Variants in LTF observed in about 807,000 individuals in gnomAD.
LTF encodes epididymis luminal protein 110.
A neutral mutation model predicts 87.2 loss-of-function variants in LTF; 91 were observed. The observed-to-expected ratio is 1.04, with a 90% CI of 0.88 to 1.24. LTF has a LOEUF of 1.24. Ranked by LOEUF, LTF falls within the 50% of genes most tolerant of loss-of-function variation. The pLI, the probability that LTF is intolerant of heterozygous loss-of-function variation, is 0.00. For synonymous variants in LTF, 378 were observed against 356.1 expected, an observed-to-expected ratio of 1.06 and a Z score of -0.69; for missense variants, 901 against 904.3, an observed-to-expected ratio of 1.00 and a Z score of 0.05.
Position 46,448,763 on chromosome 3 carries a change from C to A in LTF, c.1212+100G>T, listed in dbSNP as rs887686248. The A allele has an allele frequency of 2.8e-5, 40 of 1,418,212 alleles. No individual in the cohort carries two copies. In the African/African-American group the frequency reaches 5.4e-4, roughly 19 times the overall value. The allele number at this position is 1,418,212 out of a possible 1,614,324, so 87.9% of individuals were successfully genotyped here. Reference sequence around the variant, plus strand: ...CCAGGCATCCCTGCCTCACCCAGGCCCCCGTGGCCTCTTTGACTGTTGACT... The same window carrying A: ...CCAGGCATCCCTGCCTCACCCAGGCACCCGTGGCCTCTTTGACTGTTGACT... On this transcript the variant is annotated intron_variant, in intron 9 of 16. Coordinates refer to ENST00000231751, the MANE Select transcript of LTF (RefSeq NM_002343.6).
At chr3:46,438,388 T>C (rs1702438546) in intron 15 of LTF, among the ~76,000 whole-genome samples, 1 of 152,238 alleles carries the variant, frequency 6.6e-6, no homozygotes, top group Non-Finnish European at 1.5e-5. Context: ...TCCTTCCTTC[T>C]TAACCTGTGA....
At chr3:46,437,676 TA>T (rs983267973) in intron 16 of LTF, among the ~76,000 whole-genome samples, 4 of 152,170 alleles carry the variant, frequency 2.6e-5, no homozygotes, top group Admixed American at 6.5e-5. Context: ...TTTTACTGAA[TA>T]AAATGGATTA....
chr3:46,450,613 C>T lies in LTF; in HGVS notation c.764G>A (p.Arg255Gln), dbSNP rs144240700. ...GTCTTTGAACTTGTCCACTGGCTTC[C>T]GAGTGTTGTCTGGGCAGAGTAACTC... is the stretch of plus-strand genomic sequence containing the variant. ...EYELLCPDNT[R>Q]KPVDKFKDCH... The change falls in exon 7 of 17, where the codon CGG (arginine) becomes CAG (glutamine). Residue 255 changes from arginine to glutamine, a missense_variant. Physicochemically the swap from Arg to Gln is conservative, Grantham distance 43. Coordinates refer to ENST00000231751, the MANE Select transcript of LTF (RefSeq NM_002343.6). 8.3e-5 allele frequency: 134 copies of T among 1,614,026 alleles called. No individual in the cohort carries two copies. The African/African-American group carries it at 8.9e-4, about 11-fold the overall frequency.
At chr3:46,455,721 A>T (rs897588153) in intron 4 of LTF, 75 bp downstream of exon 4, 3 of 1,452,350 alleles carry the variant, frequency 2.1e-6, no homozygotes, top group Non-Finnish European at 2.8e-6. Context: ...CACCTGCATG[A>T]TCTGTGTGGC....
intron 1 of LTF, among the ~76,000 whole-genome samples, chr3:46,462,749 G>A (rs1163619640): frequency 6.6e-6 from 1 of 152,138 alleles, no homozygotes; most frequent in African/African-American, 2.4e-5. Flanking sequence ...GAAGGCACCA[G>A]GGAAGGGCTA....
At chr3:46,442,729 T>G (rs1472958716) in intron 13 of LTF, among the ~76,000 whole-genome samples, 3 of 152,212 alleles carry the variant, frequency 2.0e-5, no homozygotes, top group Non-Finnish European at 2.9e-5. Flanking sequence ...GAATTTATAT[T>G]AAAAAGTTCA....
intron 6 of LTF, chr3:46,454,017 A>C: frequency 2.5e-6 from 1 of 407,702 alleles, no homozygotes; most frequent in South Asian, 3.9e-5. Context: ...AACACAAACC[A>C]GCACAATCTG....
At chr3:46,446,524 T>C in intron 10 of LTF, 31 bp from the exon 11 acceptor site, 1 of 1,598,894 alleles carries the variant, frequency 6.3e-7, no homozygotes, top group Non-Finnish European at 8.6e-7. Context: ...CAGACATCAT[T>C]ATCCATTCAG....
At chr3:46,484,044 G>A (rs1575331566) in intron 1 of LTF, among the ~76,000 whole-genome samples, 1 of 152,172 alleles carries the variant, frequency 6.6e-6, no homozygotes, top group African/African-American at 2.4e-5. Context: ...TGTTTGGGAT[G>A]TACCAGAGAT....
At chr3:46,448,839 C>G (rs375244234) in intron 9 of LTF, 24 bp downstream of exon 9, 4 of 1,609,268 alleles carry the variant, frequency 2.5e-6, no homozygotes, top group East Asian at 2.2e-5. Context: ...GCCCACCGCC[C>G]GCCCCTGTGA....
At position 46,448,965 on chromosome 3, in the gene LTF, G is replaced by C; in HGVS notation, c.1110C>G (p.Gly370=). 1 of 1,613,188 alleles carries C rather than the reference G, an allele frequency of 6.2e-7. No homozygotes were observed. The highest frequency in any genetic ancestry group is 2.2e-5 in the East Asian group (1 of 44,792). Residue 370 remains glycine (G), a synonymous_variant, in exon 9 of 17, where the codon GGC becomes GGG. Coordinates refer to ENST00000231751, the MANE Select transcript of LTF (RefSeq NM_002343.6). The part of the protein sequence containing the change: ...RRARVVWCAV[G]EQELRKCNQW... The stretch of plus-strand genomic sequence containing the variant: ...GGTTACACTTGCGCAGCTCCTGCTC[G>C]CCCACCGCACACCACACGACCCGCG...
rs777999333 is a variant in LTF, at chr3:46,447,339, A to G, written c.1272T>C (p.Cys424=). 9.3e-6 allele frequency: 15 copies of G among 1,614,192 alleles called. No homozygotes were observed. The Admixed American group carries it at 2.2e-4, about 23-fold the overall frequency. ...TCTCTGCCAGGACAGGCACCAAACC[A>G]CATTTGCCTGCAGTGTACACATATC... is the stretch of plus-strand genomic sequence containing the variant. The part of the protein sequence containing the change: ...DGGYVYTAGK[C]GLVPVLAENY... Residue 424 remains cysteine, a synonymous_variant, in exon 10 of 17, where the codon TGT becomes TGC. Transcript: ENST00000231751.
chr3:46,455,152 C>G (rs6776621), intron 5 of LTF, 143 bp downstream of exon 5: 97,121 of 1,008,722 alleles, frequency 0.096, 5,687 homozygotes, highest in Admixed American at 0.21. Context: ...CCTGCACTCT[C>G]TTTGGACACA....
intron 6 of LTF, 57 bp from the exon 7 acceptor site, chr3:46,450,730 C>G: frequency 5.6e-6 from 8 of 1,441,054 alleles, no homozygotes; most frequent in South Asian, 1.2e-5. Flanking sequence ...GCAGTAACCT[C>G]GAGCTATAGT....
chr3:46,448,607 A>G (rs1702715386), intron 9 of LTF, among the ~76,000 whole-genome samples: 1 of 152,204 alleles, frequency 6.6e-6, no homozygotes, highest in African/African-American at 2.4e-5. Context: ...TTTTGTTTTA[A>G]CATAATACCT....
chr3:46,483,458 T>C (rs1165515239), intron 1 of LTF, among the ~76,000 whole-genome samples: 4 of 152,366 alleles, frequency 2.6e-5, no homozygotes, highest in Non-Finnish European at 5.9e-5. Context: ...TAACTTCTGC[T>C]GCCCACGACA....
chr3:46,436,078 G>C lies in LTF; in HGVS notation c.*117C>G. Reference sequence around the variant, plus strand: ...GACAGCAGGGAATTGTAAGCAGATGGATGGGCAATCCCCACCTTCAGCAGG... The same window carrying C: ...GACAGCAGGGAATTGTAAGCAGATGCATGGGCAATCCCCACCTTCAGCAGG... On this transcript the variant is annotated 3_prime_UTR_variant, in exon 17 of 17. Transcript: ENST00000231751. The C allele has an allele frequency of 1.1e-6, 1 of 937,318 alleles. No individual in the cohort carries two copies. Among genetic ancestry groups the C allele is most frequent in the East Asian group, 2.4e-5 (1 of 41,606 alleles). 58.1% of individuals were successfully genotyped at this position (937,318 alleles called of 1,614,324 possible).
rs549352324 is a variant in LTF, at chr3:46,450,917, G to A, written c.704-244C>T. ...TCACTTAGGCCACCCTGGGGTTCCC[G>A]TGCAGCTGCTGCCTGGCAGGCCAGA... On this transcript the variant is annotated intron_variant, in intron 6 of 16. Transcript: ENST00000231751. 7.9e-5 allele frequency among the ~76,000 whole-genome samples: 12 copies of A among 152,242 alleles called. No homozygotes were observed. The East Asian group carries it at 1.9e-3, about 24-fold the overall frequency.
At chr3:46,454,280 C>T in intron 6 of LTF, 25 bp downstream of exon 6, 1 of 1,611,330 alleles carries the variant, frequency 6.2e-7, no homozygotes. Context: ...GGGTCAGTAC[C>T]CACGGCTCAT....
Sources: allele counts gnomAD v4.1 joint callset (sites outside exome capture counted in the v4.1 genomes callset), GRCh38; gene constraint gnomAD v4.1.1; transcripts MANE v1.5; gene names NCBI Gene and HGNC (gene_info 2026-07-23, HGNC 2026-07-21).